GPR158: variants seen among roughly 807,000 people sequenced by gnomAD.
GPR158 encodes metabotropic glycine receptor.
In GPR158, 30 loss-of-function variants were observed where a neutral mutation model predicts 78.2. The ratio of observed to expected loss-of-function variants is 0.38; its 90% CI spans 0.29 to 0.52. The LOEUF (loss-of-function observed/expected upper bound fraction) is 0.52, where lower values mean the gene tolerates loss of function less well. Among genes scored for constraint, GPR158 ranks in the 20% least tolerant of loss-of-function variants. The probability of loss-of-function intolerance (pLI) is 0.83; values close to 1 mark genes in which losing one functional copy is unlikely to be tolerated. For missense variants in GPR158, 1,463 were observed against 1,523.5 expected, an observed-to-expected ratio of 0.96 and a Z score of 0.66; for synonymous variants, 581 against 591.1, an observed-to-expected ratio of 0.98 and a Z score of 0.25.
chr10:25,425,618 A>C (rs2130567837), intron 4 of GPR158, among the ~76,000 whole-genome samples: 1 of 150,886 alleles, frequency 6.6e-6, no homozygotes, highest in East Asian at 1.9e-4. Context: ...CGGCCCATGG[A>C]GTGGGAGAAA....
chr10:25,334,240 C>T (rs1855166988), intron 2 of GPR158, among the ~76,000 whole-genome samples: 1 of 151,734 alleles, frequency 6.6e-6, no homozygotes, highest in African/African-American at 2.4e-5. Flanking sequence ...CAATAAAACC[C>T]CAAAAGTTAG....
intron 7 of GPR158, 46 bp downstream of exon 7, chr10:25,572,933 A>T: frequency 9.0e-7 from 1 of 1,110,358 alleles, no homozygotes; most frequent in Non-Finnish European, 1.4e-6. Flanking sequence ...ATTTTTCAGT[A>T]GCATTACAAC....
intron 2 of GPR158, among the ~76,000 whole-genome samples, chr10:25,318,462 T>G (rs1448923901): frequency 6.6e-6 from 1 of 152,138 alleles, no homozygotes; most frequent in African/African-American, 2.4e-5. Context: ...TGGCTGAGTT[T>G]AATCATAAAC....
chr10:25,574,071 G>A (rs903957100), intron 7 of GPR158, among the ~76,000 whole-genome samples: 4 of 137,916 alleles, frequency 2.9e-5, no homozygotes, highest in African/African-American at 1.1e-4. Context: ...CTCAGTGCAG[G>A]TTAACCAGAT....
chr10:25,268,105 T>G (rs1854066504), intron 2 of GPR158, among the ~76,000 whole-genome samples: 3 of 152,164 alleles, frequency 2.0e-5, no homozygotes, highest in Admixed American at 1.3e-4. Context: ...GTCCTGTATG[T>G]GTACTCTGAA....
intron 5 of GPR158, among the ~76,000 whole-genome samples, chr10:25,511,984 TC>T (rs933094009): frequency 6.6e-6 from 1 of 152,146 alleles, no homozygotes; most frequent in African/African-American, 2.4e-5. Context: ...CCATATTTGT[TC>T]TCTTTGCTTA....
chr10:25,295,604 A>G (rs369330416), intron 2 of GPR158, among the ~76,000 whole-genome samples: 6 of 151,972 alleles, frequency 3.9e-5, no homozygotes, highest in Admixed American at 6.6e-5. Flanking sequence ...TAGTAGAGAC[A>G]GGGTTTCACC....
intron 5 of GPR158, among the ~76,000 whole-genome samples, chr10:25,536,678 G>A (rs1342578268): frequency 3.3e-5 from 5 of 152,078 alleles, no homozygotes; most frequent in African/African-American, 1.2e-4. Flanking sequence ...CTTTTTTTTA[G>A]TCATATTTTA....
At chr10:25,253,024 T>C (rs1202193650) in intron 2 of GPR158, among the ~76,000 whole-genome samples, 1 of 152,062 alleles carries the variant, frequency 6.6e-6, no homozygotes, top group Non-Finnish European at 1.5e-5. Context: ...TGGTGTGCCG[T>C]TTCTTAAGCC....
At chr10:25,474,010 G>A (rs1835547197) in intron 5 of GPR158, among the ~76,000 whole-genome samples, 2 of 152,088 alleles carry the variant, frequency 1.3e-5, no homozygotes, top group South Asian at 4.1e-4. Context: ...TGGATTATCT[G>A]GGTGTGACCA....
In GPR158 at chr10:25,404,806, A is replaced by G. The variant is rs1173295415; in HGVS notation, c.1112-7444A>G. Among the ~76,000 whole-genome samples the G allele has an allele frequency of 2.0e-5, 3 of 152,142 alleles. No homozygotes were observed. The East Asian group carries it at 5.8e-4, about 29-fold the overall frequency. ...ATAGAATAAAACAGGCAAGTAAAGAAAATCACAATGGCATGTGGCTTTAGG... is the reference window on the plus strand; with the variant it reads ...ATAGAATAAAACAGGCAAGTAAAGAGAATCACAATGGCATGTGGCTTTAGG... On this transcript the variant is annotated intron_variant, in intron 3 of 10. Coordinates refer to ENST00000376351, the MANE Select transcript of GPR158 (RefSeq NM_020752.3).
chr10:25,480,679 A>G (rs1183435234), intron 5 of GPR158, among the ~76,000 whole-genome samples: 3 of 152,112 alleles, frequency 2.0e-5, no homozygotes, highest in Non-Finnish European at 4.4e-5. Flanking sequence ...ATTCCTTTAT[A>G]TGGCTTAATA....
At chr10:25,211,698 C>CAA (rs77526698) in intron 1 of GPR158, among the ~76,000 whole-genome samples, 30,816 of 152,008 alleles carry the variant, frequency 0.2, 4,794 homozygotes, top group African/African-American at 0.43. Context: ...TACCCTGTCA[C>CAA]AAATATTCTC....
At chr10:25,464,643 CA>C (rs1252053380) in intron 4 of GPR158, among the ~76,000 whole-genome samples, 6 of 152,150 alleles carry the variant, frequency 3.9e-5, no homozygotes, top group African/African-American at 1.4e-4. Flanking sequence ...TTTCATAATT[CA>C]AATTGAGATG....
At chr10:25,317,258 G>A (rs994159257) in intron 2 of GPR158, among the ~76,000 whole-genome samples, 4 of 151,794 alleles carry the variant, frequency 2.6e-5, no homozygotes, top group African/African-American at 9.7e-5. Flanking sequence ...ATGTTGGTCA[G>A]GCTGGTCTCG....
intron 2 of GPR158, among the ~76,000 whole-genome samples, chr10:25,302,665 G>C (rs756739359): frequency 6.6e-6 from 1 of 152,024 alleles, no homozygotes; most frequent in Non-Finnish European, 1.5e-5. Context: ...AAGATAACTT[G>C]TACAATATGT....
rs193249974 is a variant in GPR158, at chr10:25,379,777, C to G, written c.1009-16134C>G. Among the ~76,000 whole-genome samples the G allele has an allele frequency of 2.2e-4, 33 of 150,084 alleles. No individual in the cohort carries two copies. The East Asian group carries it at 6.5e-3, about 29-fold the overall frequency. ...GAGAGTGCCAAAACTTAGGTGGCAT[C>G]TCTTCTTCTTATCAGCTTACATCTG... On this transcript the variant is annotated intron_variant, in intron 2 of 10. Transcript: ENST00000376351.
intron 2 of GPR158, among the ~76,000 whole-genome samples, chr10:25,233,702 A>G (rs1443929777): frequency 6.6e-6 from 1 of 152,212 alleles, no homozygotes; most frequent in African/African-American, 2.4e-5. Context: ...AAGGGAGTCT[A>G]TGAAGTTAAA....
intron 4 of GPR158, among the ~76,000 whole-genome samples, chr10:25,429,680 T>C (rs1405842531): frequency 6.6e-6 from 1 of 151,012 alleles, no homozygotes; most frequent in Non-Finnish European, 1.5e-5. Flanking sequence ...GTGGGCTTCA[T>C]CCCTGGGATG....
Sources: allele counts gnomAD v4.1 joint callset (sites outside exome capture counted in the v4.1 genomes callset), GRCh38; gene constraint gnomAD v4.1.1; transcripts MANE v1.5; gene names NCBI Gene and HGNC (gene_info 2026-07-23, HGNC 2026-07-21).